Variants in PRSS23 observed in about 807,000 individuals in gnomAD.
PRSS23 encodes the protein protease, serine 23.
PRSS23 carries 25 observed loss-of-function variants against 34.7 expected under a neutral mutation model. That is an observed-to-expected ratio of 0.72 (90% confidence interval 0.53 to 1.01). The LOEUF is 1.01. Among genes scored for constraint, PRSS23 ranks in the 50% least tolerant of loss-of-function variants. The pLI is 0.00. For synonymous variants in PRSS23, 176 were observed against 186.6 expected (o/e 0.94, Z 0.46); for missense variants, 445 against 475.6 (o/e 0.94, Z 0.60).
intron 2 of PRSS23, among the ~76,000 whole-genome samples, chr11:86,918,249 C>T (rs1949026608): frequency 6.6e-6 from 1 of 152,162 alleles, no homozygotes; most frequent in South Asian, 2.1e-4. Context: ...GCAGGGAACA[C>T]ACCATTGCCA....
At chr11:86,805,640 T>C (rs1218367972) in intron 1 of PRSS23, among the ~76,000 whole-genome samples, 2 of 152,068 alleles carry the variant, frequency 1.3e-5, no homozygotes, top group Non-Finnish European at 2.9e-5. Flanking sequence ...ATCCCTATTC[T>C]CCCTGACTGA....
At chr11:86,800,034 C>G (rs1259129557), upstream of PRSS23, among the ~76,000 whole-genome samples, 1 of 152,184 alleles carries the variant, frequency 6.6e-6, no homozygotes, top group Non-Finnish European at 1.5e-5. Flanking sequence ...GGTTCTGAAC[C>G]AATTCTTCAA....
chr11:86,872,674 C>T (rs1330505055), intron 2 of PRSS23, among the ~76,000 whole-genome samples: 1 of 152,090 alleles, frequency 6.6e-6, no homozygotes, highest in Non-Finnish European at 1.5e-5. Context: ...TATGCATATA[C>T]CACACCAAAG....
chr11:86,882,946 A>G (rs533624132), intron 2 of PRSS23, among the ~76,000 whole-genome samples: 1 of 152,278 alleles, frequency 6.6e-6, no homozygotes, highest in African/African-American at 2.4e-5. Context: ...CATTTCTCCA[A>G]GGGTCAGTGA....
At chr11:86,830,260 T>C (rs909894683) in intron 2 of PRSS23, among the ~76,000 whole-genome samples, 1 of 152,178 alleles carries the variant, frequency 6.6e-6, no homozygotes, top group African/African-American at 2.4e-5. Flanking sequence ...GTGCTAGCAA[T>C]CAGCGAGACT....
rs1230680074 is a variant in PRSS23, at chr11:86,810,705, A to G, written c.*1910A>G. The G allele has an allele frequency of 6.0e-6, 1 of 167,074 alleles. No homozygotes were observed. Among genetic ancestry groups the G allele is most frequent in the Admixed American group, 6.5e-5 (1 of 15,284 alleles). The allele number at this position is 167,074 out of a possible 1,614,324, so 10.3% of individuals were successfully genotyped here. On this transcript the variant is annotated 3_prime_UTR_variant, in exon 2 of 2. Transcript: ENST00000280258. ...TGATTCCTTGATTTTGATTTTTTGC[A>G]AAGTTAGACAATGGCACAAAGTCAA...
intron 2 of PRSS23, among the ~76,000 whole-genome samples, chr11:86,848,275 A>G (rs113746340): frequency 0.017 from 2,551 of 152,334 alleles, 71 homozygotes; most frequent in African/African-American, 0.058. Flanking sequence ...CTGAAAAAAA[A>G]GCAGCTTTAG....
At chr11:86,835,149 A>T (rs1340833332) in intron 2 of PRSS23, among the ~76,000 whole-genome samples, 1 of 152,236 alleles carries the variant, frequency 6.6e-6, no homozygotes, top group Non-Finnish European at 1.5e-5. Context: ...ATAGAGCCTG[A>T]TATTTAAGTA....
intron 2 of PRSS23, among the ~76,000 whole-genome samples, chr11:86,843,116 A>T (rs902555608): frequency 6.6e-6 from 1 of 151,990 alleles, no homozygotes; most frequent in African/African-American, 2.4e-5. Flanking sequence ...AAATAACACC[A>T]CTCATCTACA....
intron 2 of PRSS23, among the ~76,000 whole-genome samples, chr11:86,828,395 C>T (rs1453267032): frequency 2.6e-5 from 4 of 152,132 alleles, no homozygotes; most frequent in African/African-American, 9.7e-5. Context: ...TGTCTCTGCA[C>T]ATGAGATGGG....
intron 2 of PRSS23, chr11:86,937,230 G>C (rs1949170611): frequency 6.6e-6 from 1 of 152,150 alleles, no homozygotes; most frequent in South Asian, 2.1e-4. Flanking sequence ...CCCCTTCTTT[G>C]AAAAGTATGA....
chr11:86,930,256 T>C (rs934117619), intron 2 of PRSS23, among the ~76,000 whole-genome samples: 4 of 152,078 alleles, frequency 2.6e-5, no homozygotes, highest in Non-Finnish European at 5.9e-5. Context: ...TTTGACAGAA[T>C]ATCTTTTTAG....
intron 2 of PRSS23, among the ~76,000 whole-genome samples, chr11:86,906,949 T>G (rs1948947469): frequency 1.3e-5 from 2 of 152,118 alleles, no homozygotes; most frequent in South Asian, 4.1e-4. Context: ...GGTGATAGAT[T>G]CCGGCTGATG....
At chr11:86,888,004 A>G (rs1020062158) in intron 2 of PRSS23, among the ~76,000 whole-genome samples, 3 of 151,530 alleles carry the variant, frequency 2.0e-5, no homozygotes, top group Non-Finnish European at 4.4e-5. Context: ...GTGCACCAAG[A>G]TTGCGCCATT....
rs115551143 is a variant in PRSS23, at chr11:86,805,955, G to A, written c.-13-1676G>A. ...CCGGGTCCTTGTTTTTGGATGCTTG[G>A]TTGTGAATGAGTTACCCTACCTGCT... On this transcript the variant is annotated intron_variant, in intron 1 of 1. Coordinates refer to ENST00000280258, the MANE Select transcript of PRSS23 (RefSeq NM_007173.6). Among the ~76,000 whole-genome samples the A allele has an allele frequency of 5.7e-3, 866 of 152,248 alleles. 9 individuals carry two copies. The highest frequency in any genetic ancestry group is 0.019 in the African/African-American group (785 of 41,524).
chr11:86,879,758 T>C (rs1414666646), intron 2 of PRSS23, among the ~76,000 whole-genome samples: 1 of 121,828 alleles, frequency 8.2e-6, no homozygotes, highest in Non-Finnish European at 1.7e-5. Flanking sequence ...AGCCGCCCCG[T>C]CCGGGAGGGA....
intron 2 of PRSS23, among the ~76,000 whole-genome samples, chr11:86,835,688 T>C (rs1230340194): frequency 6.6e-6 from 1 of 152,214 alleles, no homozygotes; most frequent in African/African-American, 2.4e-5. Context: ...ATAGGCTGGA[T>C]ACGTTCCTCA....
chr11:86,879,004 G>A (rs371366173), intron 2 of PRSS23, among the ~76,000 whole-genome samples: 3,100 of 100,626 alleles, frequency 0.031, 4 homozygotes, highest in East Asian at 0.13. Flanking sequence ...CCGCCATCCC[G>A]TCTAGGAAGT....
intron 2 of PRSS23, among the ~76,000 whole-genome samples, chr11:86,825,906 A>C (rs1469653769): frequency 6.6e-6 from 1 of 152,152 alleles, no homozygotes; most frequent in Non-Finnish European, 1.5e-5. Context: ...GTTTGAAGTC[A>C]GGTAGGGTGA....
Sources: gnomAD v4.1 joint callset for allele counts (sites outside exome capture counted in the v4.1 genomes callset) on GRCh38, gnomAD v4.1.1 for gene constraint, MANE v1.5 for transcripts, NCBI Gene and HGNC (gene_info 2026-07-23, HGNC 2026-07-21) for gene names.